NR6A1: variants seen among roughly 807,000 people sequenced by gnomAD.
NR6A1 encodes retinoic acid receptor-related testis-associated receptor.
A neutral mutation model predicts 59.1 loss-of-function variants in NR6A1; 7 were observed. The observed-to-expected ratio is 0.12, with a 90% CI of 0.07 to 0.22. NR6A1 has a LOEUF of 0.22. Among genes scored for constraint, NR6A1 ranks in the 10% least tolerant of loss-of-function variants. The pLI is 1.00. For missense variants in NR6A1, 468 were observed against 611.6 expected (o/e 0.77, Z 2.48); for synonymous variants, 243 against 236.1 (o/e 1.03, Z -0.27).
At chr9:124,664,750 A>G (rs140600174) in intron 2 of NR6A1, among the ~76,000 whole-genome samples, 15 of 152,280 alleles carry the variant, frequency 9.9e-5, no homozygotes, top group African/African-American at 3.4e-4. Context: ...CATTCATCTA[A>G]TCAATATTAA....
intron 2 of NR6A1, among the ~76,000 whole-genome samples, chr9:124,624,717 CTT>C (rs1836183384): frequency 6.6e-6 from 1 of 152,182 alleles, no homozygotes; most frequent in African/African-American, 2.4e-5. Context: ...TTCAGTCAGA[CTT>C]TGTGATTTGA....
intron 2 of NR6A1, among the ~76,000 whole-genome samples, chr9:124,583,704 A>G (rs992957503): frequency 3.3e-5 from 5 of 152,140 alleles, no homozygotes; most frequent in African/African-American, 4.8e-5. Context: ...ATTGTCAGGC[A>G]TGTGCTCATG....
intron 2 of NR6A1, among the ~76,000 whole-genome samples, chr9:124,570,078 T>G (rs568111193): frequency 4.4e-4 from 67 of 152,346 alleles, no homozygotes; most frequent in Non-Finnish European, 8.1e-4. Flanking sequence ...CCTAAGCAGA[T>G]AGCTACAGAT....
chr9:124,622,026 A>T (rs1836091548), intron 2 of NR6A1, among the ~76,000 whole-genome samples: 1 of 152,060 alleles, frequency 6.6e-6, no homozygotes, highest in Non-Finnish European at 1.5e-5. Context: ...CCAGCCTGGG[A>T]AACATGGTGA....
chr9:124,559,189 G>A (rs1176452975), intron 2 of NR6A1, among the ~76,000 whole-genome samples: 3 of 152,086 alleles, frequency 2.0e-5, no homozygotes, highest in African/African-American at 7.2e-5. Context: ...AGTTAGAAAA[G>A]GCCTTAGAAA....
chr9:124,701,913 T>C (rs903719129), intron 2 of NR6A1, among the ~76,000 whole-genome samples: 1 of 152,050 alleles, frequency 6.6e-6, no homozygotes, highest in Admixed American at 6.6e-5. Context: ...TTAGTAGAGA[T>C]GGGGTTTCAC....
intron 2 of NR6A1, among the ~76,000 whole-genome samples, chr9:124,691,241 T>C (rs1460862983): frequency 6.6e-6 from 1 of 152,196 alleles, no homozygotes; most frequent in Middle Eastern, 3.2e-3. Context: ...ATGCAGAGTT[T>C]TGACAGAGGG....
intron 1 of NR6A1, among the ~76,000 whole-genome samples, chr9:124,761,138 T>C (rs1297975096): frequency 1.3e-5 from 2 of 152,242 alleles, no homozygotes; most frequent in Non-Finnish European, 2.9e-5. Context: ...AACTGAAGAA[T>C]GCAATTGAAG....
chr9:124,556,756 C>T (rs937680335), intron 2 of NR6A1, among the ~76,000 whole-genome samples: 5 of 152,056 alleles, frequency 3.3e-5, no homozygotes, highest in Non-Finnish European at 7.4e-5. Context: ...CCACCACGCC[C>T]GACCTGATTT....
intron 2 of NR6A1, among the ~76,000 whole-genome samples, chr9:124,683,557 G>A (rs1342875408): frequency 1.3e-5 from 2 of 152,200 alleles, no homozygotes; most frequent in African/African-American, 4.8e-5. Context: ...ACTTTGGGAG[G>A]CCAAGGCAGG....
At chr9:124,711,186 T>TA (rs1839268950) in intron 2 of NR6A1, among the ~76,000 whole-genome samples, 1 of 124,096 alleles carries the variant, frequency 8.1e-6, no homozygotes, top group African/African-American at 3.5e-5. Flanking sequence ...CAGCTAAGGT[T>TA]TAAAAAAAAA....
intron 5 of NR6A1, among the ~76,000 whole-genome samples, chr9:124,539,222 A>G (rs1296124317): frequency 1.3e-5 from 2 of 152,084 alleles, no homozygotes; most frequent in Non-Finnish European, 2.9e-5. Context: ...AGAAAAAAAA[A>G]AATCTTCCAG....
chr9:124,669,498 T>A (rs1837722991), intron 2 of NR6A1, among the ~76,000 whole-genome samples: 1 of 152,230 alleles, frequency 6.6e-6, no homozygotes, highest in Non-Finnish European at 1.5e-5. Flanking sequence ...GGCCCTCTTA[T>A]ATCACAGAAC....
chr9:124,540,139 C>T lies in NR6A1; in HGVS notation c.490G>A (p.Glu164Lys), dbSNP rs188823342. ...ERIMSGQEFE[E>K]EANHWSNHGD... is the part of the protein sequence containing the mutation. Reference sequence around the variant, plus strand: ...TGGTTGCTCCAGTGATTGGCCTCTTCCTCAAACTCCTGCCCAGACATGATC... The same window carrying T: ...TGGTTGCTCCAGTGATTGGCCTCTTTCTCAAACTCCTGCCCAGACATGATC... Residue 164 changes from glutamate to lysine, a missense_variant, in exon 5 of 10, where the codon GAA becomes AAA. Glu to Lys is a moderately conservative substitution (Grantham distance 56, BLOSUM62 1). Coordinates refer to ENST00000487099, the MANE Select transcript of NR6A1 (RefSeq NM_033334.4). 6.3e-5 allele frequency: 101 copies of T among 1,614,058 alleles called. No homozygotes were observed. The highest frequency in any genetic ancestry group is 8.1e-5 in the Non-Finnish European group (96 of 1,179,954).
At chr9:124,621,936 G>T (rs1040583532) in intron 2 of NR6A1, among the ~76,000 whole-genome samples, 3 of 152,116 alleles carry the variant, frequency 2.0e-5, no homozygotes, top group African/African-American at 7.2e-5. Context: ...AATAACAGCC[G>T]AGCATGGTGG....
chr9:124,598,651 A>AT (rs1835350231), intron 2 of NR6A1: 1 of 359,742 alleles, frequency 2.8e-6, no homozygotes, highest in Non-Finnish European at 4.9e-6. Context: ...TAAAATTAAA[A>AT]AAAAAAAAAA....
At chr9:124,699,795 A>G (rs1838878067) in intron 2 of NR6A1, among the ~76,000 whole-genome samples, 1 of 152,148 alleles carries the variant, frequency 6.6e-6, no homozygotes, top group African/African-American at 2.4e-5. Context: ...CTCCCAACTT[A>G]GCCCCCAGAC....
At chr9:124,534,007 T>G (rs541456123) in intron 7 of NR6A1, among the ~76,000 whole-genome samples, 1 of 152,024 alleles carries the variant, frequency 6.6e-6, no homozygotes, top group Admixed American at 6.6e-5. Flanking sequence ...TTCCAGTATT[T>G]TGAATTGGCC....
intron 2 of NR6A1, among the ~76,000 whole-genome samples, chr9:124,674,221 T>C (rs1200242579): frequency 6.6e-6 from 1 of 152,096 alleles, no homozygotes; most frequent in Non-Finnish European, 1.5e-5. Flanking sequence ...ACCCTTAAGA[T>C]TGAAAAGAAG....
Sources: gnomAD v4.1 joint callset for allele counts (sites outside exome capture counted in the v4.1 genomes callset) on GRCh38, gnomAD v4.1.1 for gene constraint, MANE v1.5 for transcripts, NCBI Gene and HGNC (gene_info 2026-07-23, HGNC 2026-07-21) for gene names.